BCCIP: variants seen among roughly 807,000 people sequenced by gnomAD.
BCCIP encodes BRCA2 and CDKN1A interacting protein, also known as BRCA2 and CDKN1A-interacting protein.
In BCCIP, 23 loss-of-function variants were observed where a neutral mutation model predicts 32.8. The ratio of observed to expected loss-of-function variants is 0.70; its 90% CI spans 0.51 to 0.99. The LOEUF (loss-of-function observed/expected upper bound fraction) is 0.99. Among genes scored for constraint, BCCIP ranks in the 50% least tolerant of loss-of-function variants. The pLI, the probability that BCCIP is intolerant of heterozygous loss-of-function variation, is 0.00. For synonymous variants in BCCIP, 144 were observed against 137.6 expected, an observed-to-expected ratio of 1.05 and a Z score of -0.33; for missense variants, 378 against 379.8, an observed-to-expected ratio of 1.00 and a Z score of 0.04.
chr10:125,824,685 G>A (rs1182518462), intron 1 of BCCIP, among the ~76,000 whole-genome samples: 1 of 152,172 alleles, frequency 6.6e-6, no homozygotes, highest in African/African-American at 2.4e-5. Context: ...TTTAACCGGC[G>A]TTCTTTTCTC....
intron 7 of BCCIP, chr10:125,852,771 G>T: frequency 5.0e-6 from 4 of 798,082 alleles, no homozygotes; most frequent in Non-Finnish European, 7.7e-6. Context: ...CATTTTCTTT[G>T]CACGATATTT....
chr10:125,851,052 A>T (rs977240513), intron 7 of BCCIP, among the ~76,000 whole-genome samples: 1 of 152,220 alleles, frequency 6.6e-6, no homozygotes, highest in African/African-American at 2.4e-5. Context: ...ATTTTTTAAA[A>T]AGAGGTCCAG....
At chr10:125,835,646 G>T (rs548359789) in intron 6 of BCCIP, among the ~76,000 whole-genome samples, 37 of 152,242 alleles carry the variant, frequency 2.4e-4, no homozygotes, top group Admixed American at 7.8e-4. Context: ...TGACCATTTG[G>T]GGGGAGTGTG....
intron 5 of BCCIP, among the ~76,000 whole-genome samples, chr10:125,832,671 G>A (rs1854550055): frequency 1.3e-5 from 2 of 152,086 alleles, no homozygotes; most frequent in African/African-American, 2.4e-5. Flanking sequence ...GTGCACGCCT[G>A]TAGTCGCAGC....
chr10:125,853,015 A>C, intron 7 of BCCIP: 1 of 799,006 alleles, frequency 1.3e-6, no homozygotes, highest in Non-Finnish European at 2.0e-6. Flanking sequence ...AGTTTTGTTC[A>C]AATCAACCAG....
chr10:125,828,016 A>G (rs1171912191), intron 3 of BCCIP, among the ~76,000 whole-genome samples: 1 of 150,780 alleles, frequency 6.6e-6, no homozygotes, highest in Non-Finnish European at 1.5e-5. Context: ...TTTAGCTCAA[A>G]TTGGAAGCAG....
chr10:125,836,914 A>G (rs192701781), downstream of BCCIP: 70 of 1,489,284 alleles, frequency 4.7e-5, no homozygotes, highest in African/African-American at 8.4e-4. Context: ...AGAGACACCA[A>G]ACATTATGTC....
downstream of BCCIP, chr10:125,838,243 T>C: frequency 6.2e-7 from 1 of 1,612,398 alleles, no homozygotes. Context: ...CTGATGTAGT[T>C]GTTCTCAGAA....
downstream of BCCIP, chr10:125,836,817 A>T (rs1390303713): frequency 4.3e-6 from 7 of 1,614,064 alleles, no homozygotes; most frequent in Non-Finnish European, 5.9e-6. Flanking sequence ...ACTAGGAGGC[A>T]GATTACTGAA....
downstream of BCCIP, chr10:125,836,684 G>A: frequency 1.2e-6 from 2 of 1,613,336 alleles, no homozygotes; most frequent in Non-Finnish European, 1.7e-6. Flanking sequence ...GTTTGCTGGG[G>A]AGTCACTGGA....
chr10:125,823,981 C>T (rs1227720336), intron 1 of BCCIP, among the ~76,000 whole-genome samples: 2 of 152,114 alleles, frequency 1.3e-5, no homozygotes, highest in Admixed American at 6.5e-5. Context: ...CAGGTGTGTT[C>T]TTCTCGTCCT....
chr10:125,840,726 C>T (rs1854853630), downstream of BCCIP: 2 of 1,127,258 alleles, frequency 1.8e-6, no homozygotes, highest in Non-Finnish European at 2.5e-6. Context: ...CCTCAAGTGC[C>T]ATTGCATTCA....
At chr10:125,835,459 G>A (rs538548619) in intron 6 of BCCIP, among the ~76,000 whole-genome samples, 10 of 151,888 alleles carry the variant, frequency 6.6e-5, no homozygotes, top group African/African-American at 1.9e-4. Context: ...GGCACCGGTA[G>A]TCCCAGCTAC....
chr10:125,846,456 A>T (rs758012404), downstream of BCCIP, among the ~76,000 whole-genome samples: 8 of 152,214 alleles, frequency 5.3e-5, no homozygotes, highest in Non-Finnish European at 1.0e-4. Context: ...CATAAGGGTG[A>T]GGCTCAAATT....
At chr10:125,832,868 AC>A (rs1854557204) in intron 5 of BCCIP, among the ~76,000 whole-genome samples, 1 of 148,152 alleles carries the variant, frequency 6.7e-6, no homozygotes, top group Non-Finnish European at 1.5e-5. Flanking sequence ...TAATTCCAAC[AC>A]TTTGGGAGGC....
chr10:125,823,746 T>A, intron 1 of BCCIP, 24 bp downstream of exon 1: 3 of 1,613,104 alleles, frequency 1.9e-6, no homozygotes, highest in Non-Finnish European at 2.5e-6. Flanking sequence ...GCTCCCCTAG[T>A]TGGTTTATAC....
At chr10:125,829,194 ATC>A (rs1263029876) in intron 3 of BCCIP, among the ~76,000 whole-genome samples, 2 of 152,150 alleles carry the variant, frequency 1.3e-5, no homozygotes, top group Non-Finnish European at 2.9e-5. Context: ...CAGTACCTTA[ATC>A]TGTTTCCATT....
At chr10:125,833,235 AAAG>A (rs1854569372) in intron 5 of BCCIP, among the ~76,000 whole-genome samples, 1 of 152,034 alleles carries the variant, frequency 6.6e-6, no homozygotes, top group African/African-American at 2.4e-5. Context: ...TAATTTTCAG[AAAG>A]AAGAAACATT....
chr10:125,839,167 C>T (rs761424324), downstream of BCCIP: 7 of 1,614,038 alleles, frequency 4.3e-6, no homozygotes, highest in Middle Eastern at 1.6e-4. Flanking sequence ...GAAGTAATCA[C>T]GACACCACTT....
Sources: allele counts gnomAD v4.1 joint callset (sites outside exome capture counted in the v4.1 genomes callset), GRCh38; gene constraint gnomAD v4.1.1; transcripts MANE v1.5; gene names NCBI Gene and HGNC (gene_info 2026-07-23, HGNC 2026-07-21).